Variants in PACRG observed in about 807,000 individuals in gnomAD.
The protein encoded by PACRG is parkin coregulated gene protein.
PACRG carries 29 observed loss-of-function variants against 29.7 expected under a neutral mutation model. The observed-to-expected ratio is 0.98, with a 90% CI of 0.73 to 1.33. PACRG has a LOEUF of 1.33. PACRG is among the 40% of genes most tolerant of loss of function. The pLI is 0.00. For missense variants in PACRG, 279 were observed against 316.2 expected (o/e 0.88, Z 0.89); for synonymous variants, 116 against 118.7 (o/e 0.98, Z 0.15).
At position 163,074,394 on chromosome 6, in the gene PACRG, T is replaced by A. The variant is rs185911461; in HGVS notation, c.463+12073T>A. Reference sequence around the variant, plus strand: ...ATTAAAACAATTTAACTCATGGAGATAGAGAGTAGAAGGATGGTTACCAGA... The same window carrying A: ...ATTAAAACAATTTAACTCATGGAGAAAGAGAGTAGAAGGATGGTTACCAGA... On this transcript the variant is annotated intron_variant, in intron 3 of 4. Transcript: ENST00000366888. Among the ~76,000 whole-genome samples the A allele has an allele frequency of 1.5e-3, 227 of 152,188 alleles. 1 individual carries two copies. The highest frequency in any genetic ancestry group is 5.2e-3 in the African/African-American group (217 of 41,516).
At chr6:163,314,526 A>C (rs1268831688) in intron 4 of PACRG, among the ~76,000 whole-genome samples, 1 of 151,824 alleles carries the variant, frequency 6.6e-6, no homozygotes, top group Non-Finnish European at 1.5e-5. Flanking sequence ...CCAAGAGAAC[A>C]CTCTGTATAT....
intron 4 of PACRG, among the ~76,000 whole-genome samples, chr6:163,214,482 C>T (rs1265495864): frequency 2.0e-5 from 3 of 151,946 alleles, no homozygotes; most frequent in Non-Finnish European, 2.9e-5. Flanking sequence ...ATCATTAAGC[C>T]TTCTTTTAAG....
intron 2 of PACRG, among the ~76,000 whole-genome samples, chr6:162,817,448 A>G (rs1787453684): frequency 6.6e-6 from 1 of 152,170 alleles, no homozygotes. Flanking sequence ...CCAGATGCCA[A>G]AACAACGTGG....
At chr6:162,764,582 T>C (rs769344552) in intron 1 of PACRG, among the ~76,000 whole-genome samples, 3 of 152,162 alleles carry the variant, frequency 2.0e-5, no homozygotes, top group Non-Finnish European at 1.5e-5. Context: ...TAATTTCTTA[T>C]CTATTAACTA....
chr6:162,939,259 T>G (rs1261386839), intron 2 of PACRG, among the ~76,000 whole-genome samples: 2 of 152,160 alleles, frequency 1.3e-5, no homozygotes, highest in Admixed American at 6.5e-5. Flanking sequence ...CAACTCAAGA[T>G]GGATCAAGGA....
At chr6:162,987,813 T>C (rs1386581517) in intron 2 of PACRG, among the ~76,000 whole-genome samples, 1 of 152,196 alleles carries the variant, frequency 6.6e-6, no homozygotes, top group Non-Finnish European at 1.5e-5. Context: ...TAGATATGTT[T>C]ATTGTGCTGA....
intron 4 of PACRG, among the ~76,000 whole-genome samples, chr6:163,229,727 G>A (rs1291920909): frequency 6.6e-6 from 1 of 152,160 alleles, no homozygotes; most frequent in East Asian, 1.9e-4. Flanking sequence ...GAAGAAATTT[G>A]GGACAGAAGA....
intron 4 of PACRG, among the ~76,000 whole-genome samples, chr6:163,096,296 C>T (rs966361595): frequency 1.3e-5 from 2 of 152,180 alleles, no homozygotes; most frequent in African/African-American, 2.4e-5. Context: ...GACCTGGCCA[C>T]GGTGAGGCTG....
chr6:163,207,662 C>T (rs1417542054), intron 4 of PACRG, among the ~76,000 whole-genome samples: 2 of 152,144 alleles, frequency 1.3e-5, no homozygotes, highest in African/African-American at 2.4e-5. Flanking sequence ...CAGCACTCAG[C>T]GTGTGCCCAG....
intron 2 of PACRG, among the ~76,000 whole-genome samples, chr6:162,816,203 A>T (rs1473701764): frequency 6.6e-6 from 1 of 152,198 alleles, no homozygotes; most frequent in East Asian, 1.9e-4. Flanking sequence ...AAAAGAAGAA[A>T]CAATTTCTTT....
At chr6:163,244,997 A>T in intron 4 of PACRG, 2 of 455,134 alleles carry the variant, frequency 4.4e-6, no homozygotes, top group Non-Finnish European at 8.8e-6. Context: ...GGAGGTCCAG[A>T]CTTGCTCCTT....
At chr6:162,947,396 A>G (rs369728941) in intron 2 of PACRG, among the ~76,000 whole-genome samples, 607 of 43,802 alleles carry the variant, frequency 0.014, 22 homozygotes, top group African/African-American at 0.031. Context: ...AATCATATAT[A>G]ATATATAATC....
chr6:163,256,806 G>A (rs1034071663), intron 4 of PACRG, among the ~76,000 whole-genome samples: 5 of 152,158 alleles, frequency 3.3e-5, no homozygotes, highest in South Asian at 2.1e-4. Flanking sequence ...ACTAATGACC[G>A]CAACTTGGTG....
intron 1 of PACRG, among the ~76,000 whole-genome samples, chr6:162,732,587 A>G (rs1364322082): frequency 2.6e-5 from 4 of 152,224 alleles, no homozygotes; most frequent in African/African-American, 9.6e-5. Context: ...ATTAGTGAAG[A>G]AAAGGAGAGA....
chr6:162,976,145 A>G (rs972347047), intron 2 of PACRG, among the ~76,000 whole-genome samples: 1 of 152,218 alleles, frequency 6.6e-6, no homozygotes, highest in African/African-American at 2.4e-5. Context: ...AAATGGAAGC[A>G]AGAGACACCA....
At chr6:162,958,936 G>A (rs1014084212) in intron 2 of PACRG, among the ~76,000 whole-genome samples, 9 of 111,748 alleles carry the variant, frequency 8.1e-5, no homozygotes, top group African/African-American at 2.2e-4. Context: ...GAGAGAGAGA[G>A]AGATGAAATC....
At chr6:162,802,224 A>T (rs75677840) in intron 1 of PACRG, among the ~76,000 whole-genome samples, 2,602 of 152,250 alleles carry the variant, frequency 0.017, 40 homozygotes, top group Non-Finnish European at 0.028. Flanking sequence ...CTCGTACTAA[A>T]CCTAGTAACT....
At chr6:163,133,292 TG>T (rs1816806704) in intron 4 of PACRG, among the ~76,000 whole-genome samples, 1 of 152,200 alleles carries the variant, frequency 6.6e-6, no homozygotes. Context: ...CGCAGGAATC[TG>T]GGAAATGTAG....
intron 4 of PACRG, among the ~76,000 whole-genome samples, chr6:163,257,872 A>G (rs572343408): frequency 9.2e-5 from 14 of 152,362 alleles, no homozygotes; most frequent in African/African-American, 3.4e-4. Flanking sequence ...GTGCCAACTA[A>G]TAATTAACAA....
Sources: gnomAD v4.1 joint callset for allele counts (sites outside exome capture counted in the v4.1 genomes callset) on GRCh38, gnomAD v4.1.1 for gene constraint, MANE v1.5 for transcripts, NCBI Gene and HGNC (gene_info 2026-07-23, HGNC 2026-07-21) for gene names.